The following PPARGC1A variants were observed in gnomAD, a reference collection of about 807,000 sequenced individuals.
PPARGC1A encodes PPARG coactivator 1 alpha.
A neutral mutation model predicts 88.7 loss-of-function variants in PPARGC1A; 25 were observed. The ratio of observed to expected loss-of-function variants is 0.28; its 90% confidence interval spans 0.21 to 0.39. The LOEUF is 0.39. Ranked by LOEUF, PPARGC1A falls within the 10% of genes least tolerant of loss-of-function variation. PPARGC1A has a pLI of 1.00. For missense variants in PPARGC1A, 880 were observed against 968.7 expected, an observed-to-expected ratio of 0.91 and a Z score of 1.22; for synonymous variants, 363 against 355.6, an observed-to-expected ratio of 1.02 and a Z score of -0.24.
rs748420211 is a variant in PPARGC1A at position 23,829,535 on chromosome 4, T to G, written c.480A>C (p.Glu160Asp). The change falls in exon 4 of 13, where the codon GAA (glutamate) becomes GAC (aspartate). Residue 160 changes from glutamate (E) to aspartate (D), a missense_variant. Coordinates refer to ENST00000264867, the MANE Select transcript of PPARGC1A (RefSeq NM_013261.5). Reference sequence around the variant, plus strand: ...GGTTCTGGGTACTGAGACCACTGCATTCATTATAACTTAGCTGAGTGTTGG... The same window carrying G: ...GGTTCTGGGTACTGAGACCACTGCAGTCATTATAACTTAGCTGAGTGTTGG... ...APANTQLSYNECSGLSTQNHA... is the reference protein window; with the variant it reads ...APANTQLSYNDCSGLSTQNHA... 2 of 1,613,460 alleles carry G rather than the reference T, an allele frequency of 1.2e-6. No individual in the cohort carries two copies.
intron 12 of PPARGC1A, among the ~76,000 whole-genome samples, chr4:23,800,112 T>A (rs1281780489): frequency 3.9e-5 from 6 of 152,176 alleles, no homozygotes; most frequent in Admixed American, 3.3e-4. Context: ...TAGGAAGACA[T>A]CCCTTCGTTG....
chr4:24,255,629 C>A, the PPARGC1A span, among the ~76,000 whole-genome samples: 1 of 152,134 alleles, frequency 6.6e-6, no homozygotes, highest in South Asian at 2.1e-4. Context: ...ATTTTCTCAA[C>A]GTAAATTTGG....
chr4:24,425,253 T>C, the PPARGC1A span, among the ~76,000 whole-genome samples: 2 of 152,212 alleles, frequency 1.3e-5, no homozygotes, highest in African/African-American at 4.8e-5. Flanking sequence ...GCCATAATTA[T>C]TGTCTCAATA....
chr4:24,142,384 G>A, the PPARGC1A span, among the ~76,000 whole-genome samples: 3 of 152,126 alleles, frequency 2.0e-5, no homozygotes, highest in African/African-American at 7.2e-5. Flanking sequence ...TTTAAAAATG[G>A]GGAGGGGGCT....
the PPARGC1A span, among the ~76,000 whole-genome samples, chr4:24,035,351 C>T: frequency 6.6e-6 from 1 of 151,840 alleles, no homozygotes; most frequent in African/African-American, 2.4e-5. Context: ...ACCAGATGGG[C>T]CAACATGGTT....
the PPARGC1A span, among the ~76,000 whole-genome samples, chr4:24,220,120 A>T: frequency 1.3e-5 from 2 of 152,248 alleles, no homozygotes; most frequent in Non-Finnish European, 2.9e-5. Flanking sequence ...AACATGAAAA[A>T]AATGCTCAAT....
At chr4:23,976,610 GAAGT>G in the PPARGC1A span, among the ~76,000 whole-genome samples, 29 of 152,274 alleles carry the variant, frequency 1.9e-4, no homozygotes, top group Middle Eastern at 6.8e-3. Flanking sequence ...AGCCTTTAAG[GAAGT>G]AAGTAAGGTT....
chr4:24,428,131 A>G, the PPARGC1A span, among the ~76,000 whole-genome samples: 2 of 151,684 alleles, frequency 1.3e-5, no homozygotes, highest in Non-Finnish European at 2.9e-5. Flanking sequence ...CTCCAAAAAA[A>G]AAAAAAGAAT....
the PPARGC1A span, among the ~76,000 whole-genome samples, chr4:24,061,252 T>C: frequency 6.6e-6 from 1 of 152,132 alleles, no homozygotes; most frequent in Non-Finnish European, 1.5e-5. Flanking sequence ...GAATGTGGGT[T>C]GGATTCACGG....
chr4:24,387,825 AG>A, the PPARGC1A span, among the ~76,000 whole-genome samples: 90 of 71,046 alleles, frequency 1.3e-3, 1 homozygote, highest in Middle Eastern at 8.3e-3. Flanking sequence ...AGAAAGAAAG[AG>A]AGAAAGAGAG....
chr4:24,029,031 G>T, the PPARGC1A span, among the ~76,000 whole-genome samples: 1 of 152,150 alleles, frequency 6.6e-6, no homozygotes, highest in Non-Finnish European at 1.5e-5. Context: ...CAGATTAGAT[G>T]CTTACATGTT....
the PPARGC1A span, among the ~76,000 whole-genome samples, chr4:23,957,481 A>G: frequency 2.5e-4 from 38 of 152,280 alleles, no homozygotes; most frequent in African/African-American, 8.4e-4. Context: ...GATTTAGCAG[A>G]CCATCCTTAG....
the PPARGC1A span, among the ~76,000 whole-genome samples, chr4:24,252,692 C>A: frequency 2.6e-5 from 4 of 152,194 alleles, no homozygotes; most frequent in African/African-American, 9.6e-5. Flanking sequence ...ATCTCCACCC[C>A]CTGTGATGGC....
the PPARGC1A span, among the ~76,000 whole-genome samples, chr4:24,071,800 C>A: frequency 6.6e-6 from 1 of 152,124 alleles, no homozygotes; most frequent in Admixed American, 6.6e-5. Flanking sequence ...TGGACAGGTC[C>A]CAGACCCTGT....
At chr4:24,091,928 T>TACACACACACACACAC in the PPARGC1A span, among the ~76,000 whole-genome samples, 1,346 of 147,816 alleles carry the variant, frequency 9.1e-3, 12 homozygotes, top group Middle Eastern at 0.025. Context: ...CTTGCCCCAA[T>TACACACACACACACAC]ACACACACAC....
chr4:24,073,507 A>G, the PPARGC1A span, among the ~76,000 whole-genome samples: 2 of 152,174 alleles, frequency 1.3e-5, no homozygotes, highest in African/African-American at 4.8e-5. Flanking sequence ...CTTGCCCCTA[A>G]AACTTTCAAT....
the PPARGC1A span, among the ~76,000 whole-genome samples, chr4:24,181,317 A>G: frequency 6.6e-6 from 1 of 152,178 alleles, no homozygotes; most frequent in Non-Finnish European, 1.5e-5. Flanking sequence ...CTGCCTAAGT[A>G]TCTTGGGTAA....
At chr4:24,260,687 C>G in the PPARGC1A span, among the ~76,000 whole-genome samples, 2 of 151,736 alleles carry the variant, frequency 1.3e-5, no homozygotes, top group South Asian at 2.1e-4. Flanking sequence ...TATGCCTCTC[C>G]TATACATGGT....
intron 10 of PPARGC1A, among the ~76,000 whole-genome samples, chr4:23,806,940 G>A (rs554583552): frequency 4.1e-4 from 62 of 152,284 alleles, no homozygotes; most frequent in African/African-American, 1.3e-3. Flanking sequence ...CTTTTAATGG[G>A]TGATCTCTCT....
Sources: allele counts gnomAD v4.1 joint callset (sites outside exome capture counted in the v4.1 genomes callset), GRCh38; gene constraint gnomAD v4.1.1; transcripts MANE v1.5; gene names NCBI Gene and HGNC (gene_info 2026-07-23, HGNC 2026-07-21).